GRM8: variants seen among roughly 807,000 people sequenced by gnomAD.
GRM8 encodes the protein glutamate metabotropic receptor 8, also known as metabotropic glutamate receptor 8.
In GRM8, 47 loss-of-function variants were observed where a neutral mutation model predicts 87.2. The ratio of observed to expected loss-of-function variants is 0.54; its 90% CI spans 0.43 to 0.69. The LOEUF (loss-of-function observed/expected upper bound fraction) is 0.69, where lower values mean the gene tolerates loss of function less well. Among genes scored for constraint, GRM8 ranks in the 30% least tolerant of loss-of-function variants. The pLI, the probability that GRM8 is intolerant of heterozygous loss-of-function variation, is 0.00. For missense variants in GRM8, 1,019 were observed against 1,139.2 expected (o/e 0.89, Z 1.52); for synonymous variants, 396 against 404.5 (o/e 0.98, Z 0.25).
chr7:126,791,119 G>T (rs1229637727), intron 6 of GRM8, among the ~76,000 whole-genome samples: 1 of 152,114 alleles, frequency 6.6e-6, no homozygotes, highest in African/African-American at 2.4e-5. Context: ...CAGACAATGT[G>T]CAATAATGAC....
rs141907391 is a variant in GRM8, at chr7:126,955,205, A to G, written c.728-50522T>C. ...AGGAATGACAGTGACCTCTAGTAAA[A>G]TATTTCTGTCTAGAGGCAAGATTAC... On this transcript the variant is annotated intron_variant, in intron 3 of 10. Coordinates refer to ENST00000339582, the MANE Select transcript of GRM8 (RefSeq NM_000845.3). Among the ~76,000 whole-genome samples, 684 of 152,276 alleles carry G rather than the reference A, an allele frequency of 4.5e-3. 4 individuals are homozygous for G. The highest frequency in any genetic ancestry group is 0.015 in the South Asian group (71 of 4,822).
At chr7:127,169,453 T>C (rs1433795305) in intron 2 of GRM8, among the ~76,000 whole-genome samples, 1 of 152,086 alleles carries the variant, frequency 6.6e-6, no homozygotes, top group Non-Finnish European at 1.5e-5. Flanking sequence ...AGAAACTATC[T>C]CCAAAACATA....
At chr7:126,815,188 A>G (rs1401287483) in intron 6 of GRM8, among the ~76,000 whole-genome samples, 2 of 152,114 alleles carry the variant, frequency 1.3e-5, no homozygotes, top group African/African-American at 4.8e-5. Context: ...AGTTCGTGAC[A>G]AAAATTCCTG....
At chr7:126,628,075 C>T (rs1800873780) in intron 7 of GRM8, among the ~76,000 whole-genome samples, 1 of 152,100 alleles carries the variant, frequency 6.6e-6, no homozygotes, top group Non-Finnish European at 1.5e-5. Flanking sequence ...GACACAGCCT[C>T]GCTCTGTCGC....
chr7:126,533,576 G>C lies in GRM8; in HGVS notation c.1806C>G (p.Ile602Met). ...ILGIIATTFV[I>M]VTFVRYNDTP... ...TGTCATTATAGCGGACAAAGGTCAC[G>C]ATCACAAAGGTGGTGGCGATGATTC... is the stretch of plus-strand genomic sequence containing the variant. Residue 602 changes from isoleucine to methionine, a missense_variant, in exon 9 of 11, where the codon ATC becomes ATG. Physicochemically the swap from Ile to Met is conservative, Grantham distance 10 (BLOSUM62 1). Transcript: ENST00000339582. 3 of 1,614,050 alleles carry C rather than the reference G, an allele frequency of 1.9e-6. No homozygotes were observed. The highest frequency in any genetic ancestry group is 2.2e-5 in the East Asian group (1 of 44,842).
intron 8 of GRM8, among the ~76,000 whole-genome samples, chr7:126,577,327 T>C (rs774777183): frequency 7.2e-5 from 11 of 152,210 alleles, no homozygotes; most frequent in Non-Finnish European, 1.3e-4. Context: ...CCTAGAAGTC[T>C]TGATTTAGTG....
At chr7:126,467,157 C>T (rs1044325584) in intron 9 of GRM8, among the ~76,000 whole-genome samples, 1 of 151,572 alleles carries the variant, frequency 6.6e-6, no homozygotes, top group Non-Finnish European at 1.5e-5. Flanking sequence ...CCCCCACCCC[C>T]CGACAGGCTT....
intron 8 of GRM8, among the ~76,000 whole-genome samples, chr7:126,580,562 A>C (rs1478300462): frequency 6.6e-6 from 1 of 152,128 alleles, no homozygotes; most frequent in Non-Finnish European, 1.5e-5. Context: ...CTTCTGCCTG[A>C]TTTCCATTTA....
rs79504714 is a variant in GRM8, at chr7:126,622,126, A to C, written c.1358-12628T>G. On this transcript the variant is annotated intron_variant, in intron 7 of 10. Transcript: ENST00000339582. ...TTGTTTAATAAAATGATAAAATTTT[A>C]TTGTCTGACAAGACCAGGACTAGGC... 3.4e-3 allele frequency among the ~76,000 whole-genome samples: 523 copies of C among 152,286 alleles called. 3 individuals are homozygous for C. Among genetic ancestry groups the C allele is most frequent in the African/African-American group, 0.012 (479 of 41,566 alleles).
rs1811138859 is a variant in GRM8, at chr7:126,711,887, GGA to G, written c.1357+57976_1357+57977del. Among the ~76,000 whole-genome samples, 10 of 152,298 alleles carry G rather than the reference GGA, an allele frequency of 6.6e-5. 1 individual carries two copies. The South Asian group carries it at 2.1e-3, about 32-fold the overall frequency. On this transcript the variant is annotated intron_variant, in intron 7 of 10. Transcript: ENST00000339582. Reference sequence around the variant, plus strand: ...ATTGAAGAGAGCAGGGCTTCGCTCTGGATTAGGCTTTGGTATAAAGGAATGTT... The same window carrying G: ...ATTGAAGAGAGCAGGGCTTCGCTCTGTTAGGCTTTGGTATAAAGGAATGTT...
chr7:127,230,197 G>A (rs939202860), intron 2 of GRM8, among the ~76,000 whole-genome samples: 4 of 147,170 alleles, frequency 2.7e-5, no homozygotes, highest in African/African-American at 9.8e-5. Flanking sequence ...GGTGCTCTGT[G>A]CTCACTGGCT....
intron 3 of GRM8, among the ~76,000 whole-genome samples, chr7:127,030,086 C>T (rs566614544): frequency 1.3e-5 from 2 of 152,160 alleles, no homozygotes; most frequent in South Asian, 4.1e-4. Context: ...CTGAAGGCAG[C>T]ACCCTCTCTG....
chr7:127,200,185 A>G (rs1795510456), intron 2 of GRM8, among the ~76,000 whole-genome samples: 1 of 152,186 alleles, frequency 6.6e-6, no homozygotes, highest in Non-Finnish European at 1.5e-5. Context: ...TTTCTGGTCT[A>G]TGTAAGTTCA....
In GRM8 at chr7:127,242,852, G is replaced by T; in HGVS notation, c.353C>A (p.Thr118Lys). ...RDTYALEQSL[T>K]FVQALIEKDA... ...TTTCTCTATTAATGCCTGCACGAAT[G>T]TTAGAGACTGCTCCAAAGCATAGGT... The change falls in exon 2 of 11, where the codon ACA (threonine) becomes AAA (lysine). Residue 118 changes from threonine (T) to lysine (K), a missense_variant. By Grantham distance (78) the Thr-to-Lys change is moderately conservative (BLOSUM62 -1). Transcript: ENST00000339582. 6.2e-7 allele frequency: 1 copy of T among 1,614,152 alleles called. No individual in the cohort carries two copies. Among genetic ancestry groups the T allele is most frequent in the Non-Finnish European group, 8.5e-7 (1 of 1,179,996 alleles).
At chr7:127,149,101 G>T (rs1172131775) in intron 2 of GRM8, among the ~76,000 whole-genome samples, 2 of 151,818 alleles carry the variant, frequency 1.3e-5, no homozygotes, top group Non-Finnish European at 2.9e-5. Context: ...AAAAGCTTCT[G>T]TACAGCAAAG....
chr7:126,525,683 G>C (rs1813716214), intron 9 of GRM8, among the ~76,000 whole-genome samples: 1 of 152,116 alleles, frequency 6.6e-6, no homozygotes, highest in Non-Finnish European at 1.5e-5. Context: ...TTTACTTTCT[G>C]AGAGTTTCTC....
chr7:127,252,830 C>G lies in GRM8; in HGVS notation c.-345G>C. The G allele has an allele frequency of 4.8e-6, 1 of 207,438 alleles. No individual in the cohort carries two copies. 12.8% of individuals were successfully genotyped at this position (207,438 alleles called of 1,614,324 possible). On this transcript the variant is annotated 5_prime_UTR_variant, in exon 1 of 11. Coordinates refer to ENST00000339582, the MANE Select transcript of GRM8 (RefSeq NM_000845.3). This position sits in a 1 kb window ranked among gnomAD's most constrained non-coding sequence, Gnocchi z 4.9. ...CCGCAGAGGGCGCGGTGAGGAAGCCCGCCGGGGGCCCGCAGCTCCATGTCA... is the reference window on the plus strand; with the variant it reads ...CCGCAGAGGGCGCGGTGAGGAAGCCGGCCGGGGGCCCGCAGCTCCATGTCA...
intron 2 of GRM8, among the ~76,000 whole-genome samples, chr7:127,154,626 T>G (rs1052470131): frequency 6.6e-6 from 1 of 152,176 alleles, no homozygotes; most frequent in African/African-American, 2.4e-5. Context: ...AGATTCTCAA[T>G]GCATGTCTGT....
At chr7:127,228,752 G>C (rs1797500567) in intron 2 of GRM8, 1 of 151,930 alleles carries the variant, frequency 6.6e-6, no homozygotes, top group Non-Finnish European at 1.5e-5. Flanking sequence ...CATTTTATTT[G>C]AAAACCATGG....
Sources: allele counts gnomAD v4.1 joint callset (sites outside exome capture counted in the v4.1 genomes callset), GRCh38; gene constraint gnomAD v4.1.1; non-coding constraint Gnocchi (gnomAD v3.1); transcripts MANE v1.5; gene names NCBI Gene and HGNC (gene_info 2026-07-23, HGNC 2026-07-21).